Variants in PABIR3 observed in about 807,000 individuals in gnomAD.
PABIR3 encodes PABIR family member 1.
A neutral mutation model predicts 23.1 loss-of-function variants in PABIR3; 20 were observed. The ratio of observed to expected loss-of-function variants is 0.86; its 90% CI spans 0.61 to 1.26. The LOEUF is 1.26. Ranked by LOEUF, PABIR3 falls within the 50% of genes most tolerant of loss-of-function variation. PABIR3 has a pLI of 0.00. For missense variants in PABIR3, 189 were observed against 195.4 expected (o/e 0.97, Z 0.20); for synonymous variants, 69 against 68.5 (o/e 1.01, Z -0.04).
downstream of PABIR3, among the ~76,000 whole-genome samples, chrX:134,858,693 A>C (rs964971180): frequency 2.7e-5 from 3 of 111,967 alleles, no homozygotes. Context: ...GGGAACCATA[A>C]GTACCCCAGC....
rs2082734748 is a variant in PABIR3 at position 134,854,559 on chromosome X, A to G, written c.*342A>G. ...AATAATCTTATGAAACATAATTCTG[A>G]TAAAATATAATTGTTCAATTAACAA... On this transcript the variant is annotated 3_prime_UTR_variant, in exon 11 of 11. Transcript: ENST00000645433. 7.1e-6 allele frequency: 1 copy of G among 140,880 alleles called. No homozygotes were observed. Among genetic ancestry groups the G allele is most frequent in the Admixed American group, 8.7e-5 (1 of 11,538 alleles). 11.6% of individuals were successfully genotyped at this position (140,880 alleles called of 1,213,427 possible).
chrX:134,827,891 G>A (rs919343762), intron 3 of PABIR3, among the ~76,000 whole-genome samples: 3 of 108,978 alleles, frequency 2.8e-5, no homozygotes, highest in Non-Finnish European at 3.8e-5. Flanking sequence ...AACCCAAATC[G>A]TAACTCTGTT....
downstream of PABIR3, among the ~76,000 whole-genome samples, chrX:134,855,841 C>T (rs779016658): frequency 8.9e-6 from 1 of 111,754 alleles, no homozygotes; most frequent in South Asian, 3.7e-4. Flanking sequence ...TGGCTAAGAA[C>T]AAGGAAACTA....
intron 9 of PABIR3, among the ~76,000 whole-genome samples, chrX:134,850,776 G>A (rs991102595): frequency 8.0e-5 from 9 of 111,915 alleles, no homozygotes; most frequent in African/African-American, 2.9e-4. Context: ...CTTCGGAGAT[G>A]TGACCTGTCT....
Position 134,822,544 on chromosome X carries a change from T to A in PABIR3, c.190-6682T>A, listed in dbSNP as rs773820644. The stretch of plus-strand genomic sequence containing the variant: ...CAATTTCAGTCTATCTTCTCATGAT[T>A]TCCTGGATGAAGTTTTTCAGTGGGA... On this transcript the variant is annotated intron_variant, in intron 3 of 10. Coordinates refer to ENST00000645433, the MANE Select transcript of PABIR3 (RefSeq NM_001388447.1). The A allele has an allele frequency of 2.5e-5, 19 of 752,493 alleles. No homozygotes were observed. In the African/African-American group the frequency reaches 4.2e-4, roughly 16 times the overall value. 62.0% of individuals were successfully genotyped at this position (752,493 alleles called of 1,213,427 possible).
At chrX:134,838,075 A>G (rs1465310181) in intron 4 of PABIR3, among the ~76,000 whole-genome samples, 4 of 111,595 alleles carry the variant, frequency 3.6e-5, no homozygotes, top group African/African-American at 1.3e-4. Context: ...ACCTCATTGT[A>G]TGGTATCAAA....
chrX:134,806,776 ATCTTTTTTT>A (rs1334652134), upstream of PABIR3, among the ~76,000 whole-genome samples: 1 of 98,433 alleles, frequency 1.0e-5, no homozygotes, highest in African/African-American at 4.2e-5. Flanking sequence ...AGGTAGCAGT[ATCTTTTTTT>A]TTTTTTTTTT....
intron 4 of PABIR3, among the ~76,000 whole-genome samples, chrX:134,829,488 C>A (rs2081663986): frequency 9.0e-6 from 1 of 110,525 alleles, no homozygotes; most frequent in African/African-American, 3.3e-5. Context: ...TTAATAATTT[C>A]TAGAAATACT....
At chrX:134,821,628 C>T in intron 3 of PABIR3, 1 of 1,114,689 alleles carries the variant, frequency 9.0e-7, no homozygotes, top group Non-Finnish European at 1.2e-6. Flanking sequence ...GGCCTACTGA[C>T]ATCTGTCTCA....
intron 4 of PABIR3, chrX:134,835,394 A>G (rs1450200490): frequency 1.8e-5 from 2 of 110,861 alleles, no homozygotes; most frequent in African/African-American, 6.6e-5. Flanking sequence ...CTCCTGTAAA[A>G]TAGTATGATG....
intron 9 of PABIR3, among the ~76,000 whole-genome samples, chrX:134,851,062 A>AT (rs770427298): frequency 9.0e-6 from 1 of 111,716 alleles, no homozygotes; most frequent in East Asian, 2.8e-4. Context: ...TTTGGACCCC[A>AT]TTAATACAAA....
In PABIR3 at chrX:134,807,699, A is replaced by G. The variant is rs150653042; in HGVS notation, c.101A>G (p.Asn34Ser). 7.8e-5 allele frequency: 93 copies of G among 1,185,124 alleles called. No homozygotes were observed. In the African/African-American group the frequency reaches 1.5e-3, roughly 20 times the overall value. ...AGAGTCAACAGTGCCCCTTTGATCAATGGACTTGGGTGAGCCGGGTTGAGA... is the reference window on the plus strand; with the variant it reads ...AGAGTCAACAGTGCCCCTTTGATCAGTGGACTTGGGTGAGCCGGGTTGAGA... ...LRRVNSAPLI[N>S]GLGFNSQVLQ... Residue 34 changes from asparagine (N) to serine (S), a missense_variant, in exon 2 of 11, where the codon AAT becomes AGT. Transcript: ENST00000645433.
chrX:134,818,934 C>CTTTTTTTTTT (rs1216993828), intron 3 of PABIR3, among the ~76,000 whole-genome samples: 11 of 77,064 alleles, frequency 1.4e-4, no homozygotes, highest in Non-Finnish European at 1.7e-4. Flanking sequence ...TTTTTTCTTT[C>CTTTTTTTTTT]TTTTTTTTTT....
Position 134,807,351 on chromosome X carries a change from C to A in PABIR3, c.-60+10C>A. ...CATTATAGACTTGGAGGTGGGGGAT[C>A]TTCTCATCGTTAGAGGCCCCGATCA... is the stretch of plus-strand genomic sequence containing the variant. On this transcript the variant is annotated intron_variant, in intron 1 of 10. Transcript: ENST00000645433. 1 of 957,819 alleles carries A rather than the reference C, an allele frequency of 1.0e-6. No homozygotes were observed. Among genetic ancestry groups the A allele is most frequent in the Non-Finnish European group, 1.3e-6 (1 of 766,908 alleles). The allele number at this position is 957,819 out of a possible 1,213,427, so 78.9% of individuals were successfully genotyped here.
At chrX:134,832,582 T>G (rs777913118) in intron 4 of PABIR3, among the ~76,000 whole-genome samples, 3 of 108,178 alleles carry the variant, frequency 2.8e-5, no homozygotes, top group Non-Finnish European at 5.8e-5. Context: ...TTGTATTTTT[T>G]GTAGAGACAG....
downstream of PABIR3, among the ~76,000 whole-genome samples, chrX:134,859,003 C>A (rs2082761150): frequency 8.9e-6 from 1 of 111,752 alleles, no homozygotes; most frequent in African/African-American, 3.3e-5. Flanking sequence ...TTACTGACAG[C>A]AAAGTAAATC....
chrX:134,843,918 CTTTTTTTTTT>C (rs1196514400), intron 4 of PABIR3, among the ~76,000 whole-genome samples: 1 of 66,033 alleles, frequency 1.5e-5, no homozygotes, highest in East Asian at 4.4e-4. Context: ...TATGCATGTT[CTTTTTTTTTT>C]TTTTTTTTTT....
At chrX:134,858,229 A>T (rs745830201), downstream of PABIR3, among the ~76,000 whole-genome samples, 1 of 111,990 alleles carries the variant, frequency 8.9e-6, no homozygotes, top group Admixed American at 9.6e-5. Context: ...GGACTCTGTC[A>T]CAAGACAGTT....
Position 134,845,336 on chromosome X carries a change from T to A in PABIR3, c.291-11T>A. On this transcript the variant is annotated splice_polypyrimidine_tract_variant and intron_variant, in intron 5 of 10. Transcript: ENST00000645433. ...CAGATAGGCAAACTGCAGTTTTGATTTCTTTTGTAGGAAGCTACAAAGTGA... is the reference window on the plus strand; with the variant it reads ...CAGATAGGCAAACTGCAGTTTTGATATCTTTTGTAGGAAGCTACAAAGTGA... The A allele has an allele frequency of 2.5e-6, 3 of 1,205,582 alleles. No individual in the cohort carries two copies. The highest frequency in any genetic ancestry group is 3.4e-6 in the Non-Finnish European group (3 of 893,114).
Sources: gnomAD v4.1 joint callset for allele counts (sites outside exome capture counted in the v4.1 genomes callset) on GRCh38, gnomAD v4.1.1 for gene constraint, MANE v1.5 for transcripts, NCBI Gene and HGNC (gene_info 2026-07-23, HGNC 2026-07-21) for gene names.